MYOF: variants seen among roughly 807,000 people sequenced by gnomAD.
MYOF encodes myoferlin, also known as fer-1-like 3, myoferlin.
In MYOF, 244 loss-of-function variants were observed where a neutral mutation model predicts 284.2. The observed-to-expected ratio is 0.86, with a 90% CI of 0.77 to 0.95. The LOEUF (loss-of-function observed/expected upper bound fraction) is 0.95. MYOF is among the 40% of genes least tolerant of loss of function. MYOF has a pLI of 0.00. For synonymous variants in MYOF, 904 were observed against 919.7 expected, an observed-to-expected ratio of 0.98 and a Z score of 0.31; for missense variants, 2,496 against 2,560.6, an observed-to-expected ratio of 0.97 and a Z score of 0.54.
chr10:93,445,990 T>C lies in MYOF; in HGVS notation c.236+6060A>G, dbSNP rs74150237. 5.8e-3 allele frequency among the ~76,000 whole-genome samples: 873 copies of C among 150,938 alleles called. 10 individuals carry two copies. The highest frequency in any genetic ancestry group is 0.02 in the African/African-American group (817 of 41,084). On this transcript the variant is annotated intron_variant, in intron 3 of 53. Coordinates refer to ENST00000359263, the MANE Select transcript of MYOF (RefSeq NM_013451.4). ...TACACAAATATTTTGAAAACACATA[T>C]AGTTTATTCCCAGATGGTTAAAAAA...
Position 93,396,152 on chromosome 10 carries a change from C to G in MYOF, c.1407G>C (p.Gly469=). 1.2e-6 allele frequency: 2 copies of G among 1,608,314 alleles called. No individual in the cohort carries two copies. The highest frequency in any genetic ancestry group is 1.7e-6 in the Non-Finnish European group (2 of 1,176,508). Residue 469 remains glycine, a synonymous_variant, in exon 16 of 54, where the codon GGG becomes GGC. Transcript: ENST00000359263. ...LHLSKIAASG[G]EVEDFSSSGT... is the part of the protein sequence containing the mutation. ...TGTTGAGTGACTTACCTTCCACTTC[C>G]CCACCAGAGGCAGCAATTTTAGAGA...
intron 27 of MYOF, among the ~76,000 whole-genome samples, chr10:93,362,653 A>G (rs1177781809): frequency 6.6e-6 from 1 of 152,210 alleles, no homozygotes; most frequent in Non-Finnish European, 1.5e-5. Flanking sequence ...ATAAAAATGA[A>G]GAGAGTTATG....
chr10:93,394,096 G>A (rs1190714882), intron 16 of MYOF, among the ~76,000 whole-genome samples: 1 of 151,992 alleles, frequency 6.6e-6, no homozygotes, highest in Non-Finnish European at 1.5e-5. Flanking sequence ...CTATTTATTT[G>A]TTTATTCATT....
intron 41 of MYOF, among the ~76,000 whole-genome samples, chr10:93,334,924 T>C (rs1843526637): frequency 2.0e-5 from 3 of 152,178 alleles, no homozygotes; most frequent in African/African-American, 7.2e-5. Flanking sequence ...CTTAGCAATG[T>C]CTGCTACAGG....
chr10:93,355,458 C>T (rs572917153), intron 31 of MYOF, among the ~76,000 whole-genome samples, 170 bp downstream of exon 31: 5 of 152,108 alleles, frequency 3.3e-5, no homozygotes, highest in Admixed American at 2.6e-4. Flanking sequence ...TGGTGACGTG[C>T]GCCTGTAGTC....
At chr10:93,332,813 C>G (rs376751865) in intron 43 of MYOF, among the ~76,000 whole-genome samples, 2 of 151,984 alleles carry the variant, frequency 1.3e-5, no homozygotes, top group South Asian at 2.1e-4. Context: ...CGCCACTGCA[C>G]TCCAGCATGG....
chr10:93,441,421 G>T (rs530533636), intron 3 of MYOF, among the ~76,000 whole-genome samples: 15 of 151,650 alleles, frequency 9.9e-5, no homozygotes, highest in African/African-American at 3.6e-4. Context: ...GTCTCACGCC[G>T]TTGCCCAGGC....
chr10:93,403,257 TCTC>T (rs1390295576), intron 9 of MYOF, among the ~76,000 whole-genome samples: 1 of 152,130 alleles, frequency 6.6e-6, no homozygotes, highest in Non-Finnish European at 1.5e-5. Context: ...CCTGTCCAGT[TCTC>T]CTCCTCCTCC....
intron 53 of MYOF, among the ~76,000 whole-genome samples, chr10:93,307,621 T>C (rs377064668): frequency 1.1e-4 from 16 of 146,850 alleles, no homozygotes; most frequent in East Asian, 4.1e-4. Flanking sequence ...TTTAAACCAA[T>C]AGAATTTTTT....
chr10:93,349,978 A>G lies in MYOF; in HGVS notation c.3922-9T>C, dbSNP rs754269142. On this transcript the variant is annotated splice_polypyrimidine_tract_variant and intron_variant, in intron 35 of 53. Transcript: ENST00000359263. ...AAGCCCCAAGCTAGAATCTATGAAA[A>G]CGATTTAAAGAGAGGGGAAGGTAAC... 3.1e-6 allele frequency: 5 copies of G among 1,612,596 alleles called. No homozygotes were observed. The African/African-American group carries it at 6.7e-5, about 22-fold the overall frequency.
intron 53 of MYOF, 108 bp from the exon 54 acceptor site, chr10:93,307,109 T>A: frequency 9.5e-7 from 1 of 1,051,684 alleles, no homozygotes; most frequent in Non-Finnish European, 1.4e-6. Flanking sequence ...CAGATGATTC[T>A]TTCTTGTTGG....
intron 1 of MYOF, among the ~76,000 whole-genome samples, chr10:93,466,385 G>A (rs118132798): frequency 6.6e-6 from 1 of 152,342 alleles, no homozygotes; most frequent in East Asian, 1.9e-4. Flanking sequence ...GGCAGGAGGG[G>A]TGACTGCTCC....
chr10:93,368,725 G>A (rs563650744), intron 25 of MYOF, among the ~76,000 whole-genome samples: 51 of 152,342 alleles, frequency 3.3e-4, no homozygotes, highest in African/African-American at 1.2e-3. Flanking sequence ...GTCAAGGGTT[G>A]TCTTGCCTAG....
rs1589361196 is a variant in MYOF, at chr10:93,306,747, AAAAC to A, written c.*212_*215del. ...AAACATGATTTAAACTTTAGAAAATAAAACTTTTAATACTTAAGAGATAACATGA... is the reference window on the plus strand; with the variant it reads ...AAACATGATTTAAACTTTAGAAAATATTTTAATACTTAAGAGATAACATGA... On this transcript the variant is annotated 3_prime_UTR_variant, in exon 54 of 54. Transcript: ENST00000359263. 7 of 494,170 alleles carry A rather than the reference AAAAC, an allele frequency of 1.4e-5. 1 individual carries two copies. In the East Asian group the frequency reaches 2.5e-4, roughly 17 times the overall value. The allele number at this position is 494,170 out of a possible 1,614,324, so 30.6% of individuals were successfully genotyped here.
intron 24 of MYOF, among the ~76,000 whole-genome samples, chr10:93,370,074 G>A (rs967911589): frequency 6.6e-6 from 1 of 152,190 alleles, no homozygotes; most frequent in Middle Eastern, 3.4e-3. Context: ...CTTCTTTACT[G>A]TATTGACACT....
chr10:93,360,710 A>G (rs1589441842), intron 28 of MYOF, among the ~76,000 whole-genome samples: 2 of 152,348 alleles, frequency 1.3e-5, no homozygotes, highest in Non-Finnish European at 1.5e-5. Context: ...ATCAGAAGCT[A>G]TATCAGTAGT....
At chr10:93,452,436 C>T (rs959071078) in intron 2 of MYOF, among the ~76,000 whole-genome samples, 2 of 151,626 alleles carry the variant, frequency 1.3e-5, no homozygotes, top group Non-Finnish European at 2.9e-5. Flanking sequence ...CTGGACTCAA[C>T]GACTACCACA....
chr10:93,477,348 CG>C (rs2057286164), intron 1 of MYOF, among the ~76,000 whole-genome samples: 1 of 151,652 alleles, frequency 6.6e-6, no homozygotes, highest in Admixed American at 6.6e-5. Context: ...CAAAATTAGC[CG>C]GGTGTGGTGG....
At chr10:93,402,810 T>C (rs1053737881) in intron 10 of MYOF, 50 bp downstream of exon 10, 1 of 1,516,086 alleles carries the variant, frequency 6.6e-7, no homozygotes, top group African/African-American at 1.4e-5. Context: ...TCTTCAGAGT[T>C]AGAAGGAATG....
Sources: gnomAD v4.1 joint callset for allele counts (sites outside exome capture counted in the v4.1 genomes callset) on GRCh38, gnomAD v4.1.1 for gene constraint, MANE v1.5 for transcripts, NCBI Gene and HGNC (gene_info 2026-07-23, HGNC 2026-07-21) for gene names.